The following IL3RA variants were observed in gnomAD, a reference collection of about 807,000 sequenced individuals.
IL3RA encodes the protein interleukin-3 receptor subunit alpha.
IL3RA carries 73 observed loss-of-function variants against 52.3 expected under a neutral mutation model. The ratio of observed to expected loss-of-function variants is 1.40; its 90% CI spans 1.16 to 1.70. The LOEUF (loss-of-function observed/expected upper bound fraction) is 1.70, where lower values mean the gene tolerates loss of function less well. Ranked by LOEUF, IL3RA falls within the 40% of genes most tolerant of loss-of-function variation. The pLI is 0.00. For missense variants in IL3RA, 664 were observed against 504.4 expected (o/e 1.32, Z -3.03); for synonymous variants, 260 against 194.0 (o/e 1.34, Z -2.83).
At chrX:1,363,127 G>C (rs1303814254) in intron 8 of IL3RA, among the ~76,000 whole-genome samples, 1 of 148,970 alleles carries the variant, frequency 6.7e-6, no homozygotes, top group African/African-American at 2.5e-5. Context: ...GGCCCCCCCT[G>C]ATCCAAAATG....
chrX:1,348,046 A>AC (rs1569520481), intron 3 of IL3RA, among the ~76,000 whole-genome samples: 1 of 131,672 alleles, frequency 7.6e-6, no homozygotes. Flanking sequence ...CAAAAAAAAA[A>AC]AAAACAGAAA....
intron 9 of IL3RA, among the ~76,000 whole-genome samples, chrX:1,368,056 G>C (rs1367141177): frequency 3.3e-5 from 5 of 152,072 alleles, no homozygotes; most frequent in Non-Finnish European, 7.4e-5. Context: ...TCAGGAGATC[G>C]AGACCATCCC....
In IL3RA at chrX:1,381,085, G is replaced by A. The variant is rs373640220; in HGVS notation, c.1043G>A (p.Ser348Asn). The A allele has an allele frequency of 4.6e-5, 74 of 1,613,782 alleles. No homozygotes were observed. The highest frequency in any genetic ancestry group is 5.8e-5 in the Non-Finnish European group (68 of 1,179,822). Residue 348 changes from serine to asparagine, a missense_variant, in exon 11 of 12, where the codon AGC becomes AAC. Physicochemically the swap from Ser to Asn is conservative, Grantham distance 46 (BLOSUM62 1). Transcript: ENST00000331035. ...IPHMKDPIGD[S>N]FQNDKLVVWE... ...CACATGAAAGACCCCATCGGTGACA[G>A]CTTCCAAAACGACAAGCTGGTATGT...
At chrX:1,380,557 AGGAGAGGC>A (rs2089119991) in intron 10 of IL3RA, among the ~76,000 whole-genome samples, 1 of 15,520 alleles carries the variant, frequency 6.4e-5, no homozygotes, top group Non-Finnish European at 1.2e-4. Context: ...GAGGAGGGGG[AGGAGAGGC>A]GAGGGGGAGG....
At chrX:1,345,755 G>T (rs2085715348) in intron 3 of IL3RA, among the ~76,000 whole-genome samples, 1 of 151,916 alleles carries the variant, frequency 6.6e-6, no homozygotes, top group Non-Finnish European at 1.5e-5. Context: ...CTCCCAAAGT[G>T]CTGGGATTAC....
At chrX:1,348,606 C>A in intron 4 of IL3RA, 61 bp downstream of exon 4, 1 of 1,168,282 alleles carries the variant, frequency 8.6e-7, no homozygotes, top group Non-Finnish European at 1.3e-6. Context: ...CTCTCTCCCT[C>A]CCTCTCGCCT....
intron 8 of IL3RA, among the ~76,000 whole-genome samples, chrX:1,360,232 G>A (rs1217760681): frequency 1.4e-4 from 5 of 36,706 alleles, no homozygotes; most frequent in South Asian, 1.7e-3. Flanking sequence ...CTCTGTGTCT[G>A]TCTCTGTATC....
At chrX:1,342,210 G>C (rs2085520581) in intron 2 of IL3RA, among the ~76,000 whole-genome samples, 1 of 152,032 alleles carries the variant, frequency 6.6e-6, no homozygotes, top group Non-Finnish European at 1.5e-5. Flanking sequence ...GTCTTGCCCA[G>C]GCTGGAGTGC....
Position 1,365,264 on chromosome X carries a change from G to C in IL3RA, c.874+12G>C, listed in dbSNP as rs1411885141. ...CCCCCAGCGCTTCGGTGAGTGGGCT[G>C]TGCGGGGTGCGCGGGGTGAGCGGGG... On this transcript the variant is annotated intron_variant, in intron 9 of 11. Coordinates refer to ENST00000331035, the MANE Select transcript of IL3RA (RefSeq NM_002183.4). 1.3e-6 allele frequency: 2 copies of C among 1,590,002 alleles called. No individual in the cohort carries two copies. The highest frequency in any genetic ancestry group is 1.7e-6 in the Non-Finnish European group (2 of 1,163,046).
At chrX:1,352,731 TAG>T (rs1288394210) in intron 6 of IL3RA, among the ~76,000 whole-genome samples, 1 of 150,424 alleles carries the variant, frequency 6.6e-6, no homozygotes, top group African/African-American at 2.5e-5. Flanking sequence ...TCACGTGGTG[TAG>T]AGAGAGAGAG....
chrX:1,344,980 G>A (rs1157443881), intron 2 of IL3RA, among the ~76,000 whole-genome samples: 4 of 143,464 alleles, frequency 2.8e-5, no homozygotes, highest in African/African-American at 7.7e-5. Flanking sequence ...GGCTAACACG[G>A]TGAAACGCCA....
chrX:1,349,335 C>A (rs1352633379), intron 4 of IL3RA, among the ~76,000 whole-genome samples: 7 of 151,870 alleles, frequency 4.6e-5, no homozygotes, highest in Non-Finnish European at 1.0e-4. Flanking sequence ...GCGCCCACCG[C>A]CACGCCCAGC....
chrX:1,346,029 C>T (rs764687122), intron 3 of IL3RA, among the ~76,000 whole-genome samples: 1 of 152,042 alleles, frequency 6.6e-6, no homozygotes, highest in East Asian at 1.9e-4. Context: ...GAAACCCAAC[C>T]CCACGCTGGG....
intron 1 of IL3RA, among the ~76,000 whole-genome samples, chrX:1,339,893 TC>T (rs1399631682): frequency 6.6e-6 from 1 of 152,042 alleles, no homozygotes; most frequent in African/African-American, 2.4e-5. Context: ...GGCAGAAAGT[TC>T]CAGTGCAGGA....
chrX:1,381,131 G>A (rs763015858), intron 11 of IL3RA, 27 bp downstream of exon 11: 24 of 1,608,632 alleles, frequency 1.5e-5, no homozygotes, highest in South Asian at 1.1e-4. Flanking sequence ...GCCTTGGGAC[G>A]GGTCTGGAGG....
At chrX:1,365,090 T>G in intron 8 of IL3RA, 48 bp from the exon 9 acceptor site, 3 of 1,427,674 alleles carry the variant, frequency 2.1e-6, no homozygotes, top group Non-Finnish European at 3.0e-6. Context: ...GTGAGAGTCA[T>G]GAGCCACCAT....
At chrX:1,362,932 C>T (rs747568994) in intron 8 of IL3RA, among the ~76,000 whole-genome samples, 7 of 152,050 alleles carry the variant, frequency 4.6e-5, no homozygotes, top group Admixed American at 1.3e-4. Context: ...CACACCACCA[C>T]GCCTGGCTAA....
chrX:1,352,882 TCCCCCA>T (rs2086189437), intron 6 of IL3RA, among the ~76,000 whole-genome samples: 1 of 42,176 alleles, frequency 2.4e-5, no homozygotes, highest in Non-Finnish European at 6.5e-5. Flanking sequence ...GGTCATAGAA[TCCCCCA>T]TGATGGGTTT....
chrX:1,377,450 C>G (rs1178867948), intron 9 of IL3RA, among the ~76,000 whole-genome samples: 2 of 151,916 alleles, frequency 1.3e-5, no homozygotes, highest in African/African-American at 4.8e-5. Flanking sequence ...GCCATGTTGG[C>G]CAGGCTGGTC....
Sources: allele counts gnomAD v4.1 joint callset (sites outside exome capture counted in the v4.1 genomes callset), GRCh38; gene constraint gnomAD v4.1.1; transcripts MANE v1.5; gene names NCBI Gene and HGNC (gene_info 2026-07-23, HGNC 2026-07-21).